The following KANK4 variants were observed in gnomAD, a reference collection of about 807,000 sequenced individuals.
The protein encoded by KANK4 is KN motif and ankyrin repeat domains 4, also known as KN motif and ankyrin repeat domain-containing protein 4.
A neutral mutation model predicts 80.8 loss-of-function variants in KANK4; 50 were observed. The ratio of observed to expected loss-of-function variants is 0.62; its 90% CI spans 0.49 to 0.78. KANK4 has a LOEUF of 0.78. Ranked by LOEUF, KANK4 falls within the 30% of genes least tolerant of loss-of-function variation. KANK4 has a pLI of 0.00. For missense variants in KANK4, 1,196 were observed against 1,240.1 expected (o/e 0.96, Z 0.53); for synonymous variants, 465 against 506.9 (o/e 0.92, Z 1.11).
intron 3 of KANK4, chr1:62,271,853 CCTGT>C (rs1672171484): frequency 2.7e-6 from 1 of 375,074 alleles, no homozygotes; most frequent in Non-Finnish European, 5.0e-6. Flanking sequence ...CATTGTTGTC[CCTGT>C]CTTACAGCTG....
At position 62,263,048 on chromosome 1, in the gene KANK4, C is replaced by T. The variant is rs778095120; in HGVS notation, c.2539+44G>A. On this transcript the variant is annotated intron_variant, in intron 7 of 9. Coordinates refer to ENST00000371153, the MANE Select transcript of KANK4 (RefSeq NM_181712.5). ...AAAAAATTTTAAAAATTGCCCTGCT[C>T]TTCAAGGAGGGACCCAGACTGTATG... The T allele has an allele frequency of 6.9e-5, 102 of 1,475,732 alleles. No homozygotes were observed. In the South Asian group the frequency reaches 1.1e-3, roughly 16 times the overall value. The allele number at this position is 1,475,732 out of a possible 1,614,324, so 91.4% of individuals were successfully genotyped here. A position where few individuals can be genotyped will look rare whatever the true frequency, so the allele number is the denominator to read the frequency against.
At chr1:62,311,910 G>T (rs17123443) in intron 1 of KANK4, among the ~76,000 whole-genome samples, 1,737 of 152,242 alleles carry the variant, frequency 0.011, 45 homozygotes, top group African/African-American at 0.04. Flanking sequence ...CCACTAATTA[G>T]ACAGTGACAG....
chr1:62,278,958 A>G (rs1357933524), intron 2 of KANK4, among the ~76,000 whole-genome samples: 1 of 152,150 alleles, frequency 6.6e-6, no homozygotes, highest in Non-Finnish European at 1.5e-5. Flanking sequence ...GAGCTCTCCT[A>G]AAGGAGAGGC....
At chr1:62,243,700 C>T (rs1250753644) in intron 9 of KANK4, among the ~76,000 whole-genome samples, 1 of 152,120 alleles carries the variant, frequency 6.6e-6, no homozygotes, top group African/African-American at 2.4e-5. Flanking sequence ...TATCCCTGGC[C>T]TCTACCCACT....
At chr1:62,241,237 T>C (rs1190199330) in intron 9 of KANK4, among the ~76,000 whole-genome samples, 1 of 151,924 alleles carries the variant, frequency 6.6e-6, no homozygotes, top group Non-Finnish European at 1.5e-5. Flanking sequence ...CAAATAACTA[T>C]AAAGCACGGC....
intron 1 of KANK4, among the ~76,000 whole-genome samples, chr1:62,285,479 A>G (rs949752248): frequency 6.6e-6 from 1 of 152,174 alleles, no homozygotes; most frequent in African/African-American, 2.4e-5. Context: ...ATCCAAATAT[A>G]AAGAGACCTT....
Position 62,274,308 on chromosome 1 carries a change from C to A in KANK4, c.796G>T (p.Asp266Tyr), listed in dbSNP as rs752503386. 1.9e-6 allele frequency: 3 copies of A among 1,614,198 alleles called. No individual in the cohort carries two copies. In the South Asian group the frequency reaches 3.3e-5, roughly 18 times the overall value. ...TCTGCTTCTCTGGCATTGTGTTCAT[C>A]TTCCTTGTCCTCTAGAACTACAAGC... The part of the protein sequence containing the change: ...NVLVVLEDKE[D>Y]EHNAREAEVL... Residue 266 changes from aspartate (D) to tyrosine (Y), a missense_variant, in exon 3 of 10, where the codon GAT (aspartate) becomes TAT (tyrosine). Transcript: ENST00000371153.
intron 1 of KANK4, among the ~76,000 whole-genome samples, chr1:62,292,785 G>C (rs1027908766): frequency 1.3e-5 from 2 of 152,176 alleles, no homozygotes; most frequent in Admixed American, 1.3e-4. Flanking sequence ...TGCTGGACAG[G>C]GTAGTGGCAA....
chr1:62,268,921 C>A (rs577902457), intron 4 of KANK4, among the ~76,000 whole-genome samples: 1 of 152,186 alleles, frequency 6.6e-6, no homozygotes, highest in African/African-American at 2.4e-5. Context: ...AACATCCCCA[C>A]CTCCACCCTG....
intron 1 of KANK4, among the ~76,000 whole-genome samples, chr1:62,298,933 A>AT (rs893856257): frequency 2.0e-3 from 229 of 114,142 alleles, no homozygotes; most frequent in Admixed American, 3.4e-3. Flanking sequence ...TCTATGTATT[A>AT]TTTTTTTTTT....
Position 62,253,208 on chromosome 1 carries a change from G to A in KANK4, c.2541C>T (p.Gly847=), listed in dbSNP as rs148060294. 2.9e-5 allele frequency: 46 copies of A among 1,602,526 alleles called. No homozygotes were observed. The highest frequency in any genetic ancestry group is 3.6e-5 in the Non-Finnish European group (42 of 1,176,836). The change falls in exon 8 of 10, where the codon GGC becomes GGT. Residue 847 remains glycine (G), a splice_region_variant and synonymous_variant. Coordinates refer to ENST00000371153, the MANE Select transcript of KANK4 (RefSeq NM_181712.5). ...TGTTCTGATGGTCCACATTGCAGAC[G>A]CCTGCAAGAGAAGCAATGGGTGCTG... ...FSIVKLLLET[G]VCNVDHQNKA...
In KANK4 at chr1:62,297,280, TATAATA is replaced by T. The variant is rs750146277; in HGVS notation, c.-70-15652_-70-15647del. On this transcript the variant is annotated intron_variant, in intron 1 of 9. Coordinates refer to ENST00000371153, the MANE Select transcript of KANK4 (RefSeq NM_181712.5). ...AAATACTAGTAAATACTTACACTGT[TATAATA>T]ATAATAATTATTATTGCTAGCTAGA... Among the ~76,000 whole-genome samples, 6 of 117,490 alleles carry T rather than the reference TATAATA, an allele frequency of 5.1e-5. No homozygotes were observed. In the East Asian group the frequency reaches 1.7e-3, roughly 32 times the overall value. The allele number at this position is 117,490 out of a possible 152,430, so 77.1% of individuals were successfully genotyped here.
chr1:62,311,493 G>A (rs1217875289), intron 1 of KANK4, among the ~76,000 whole-genome samples: 1 of 151,924 alleles, frequency 6.6e-6, no homozygotes, highest in Non-Finnish European at 1.5e-5. Flanking sequence ...TCACCATGGG[G>A]CCAGTCCTCC....
intron 2 of KANK4, among the ~76,000 whole-genome samples, 193 bp downstream of exon 2, chr1:62,281,356 T>C (rs1184378303): frequency 6.6e-6 from 1 of 152,224 alleles, no homozygotes; most frequent in Non-Finnish European, 1.5e-5. Flanking sequence ...AGGCTTACCA[T>C]ATTGTGCCTC....
intron 2 of KANK4, among the ~76,000 whole-genome samples, chr1:62,276,786 G>C (rs1269680467): frequency 1.0e-5 from 1 of 97,366 alleles, no homozygotes. Flanking sequence ...TCAAAAATAA[G>C]ACTATTGTGA....
intron 9 of KANK4, among the ~76,000 whole-genome samples, 164 bp downstream of exon 9, chr1:62,247,304 CTTTT>C (rs371644915): frequency 7.3e-6 from 1 of 136,410 alleles, no homozygotes; most frequent in African/African-American, 2.7e-5. Flanking sequence ...TAAACAGCTA[CTTTT>C]TTTTTTTTTT....
intron 9 of KANK4, among the ~76,000 whole-genome samples, chr1:62,239,725 T>G (rs1671294691): frequency 6.6e-6 from 1 of 152,182 alleles, no homozygotes; most frequent in Non-Finnish European, 1.5e-5. Context: ...CCAGGTGTTC[T>G]CATTGTTCAA....
intron 6 of KANK4, among the ~76,000 whole-genome samples, chr1:62,264,672 C>T (rs1166166038): frequency 6.6e-6 from 1 of 152,196 alleles, no homozygotes; most frequent in Non-Finnish European, 1.5e-5. Flanking sequence ...CCTCTGATCA[C>T]TTTTCTAGAG....
intron 1 of KANK4, among the ~76,000 whole-genome samples, chr1:62,290,527 G>A (rs943991969): frequency 6.6e-6 from 1 of 152,194 alleles, no homozygotes; most frequent in Admixed American, 6.5e-5. Context: ...CAAAGTGCTT[G>A]TGCTGGTGCC....
Sources: gnomAD v4.1 joint callset for allele counts (sites outside exome capture counted in the v4.1 genomes callset) on GRCh38, gnomAD v4.1.1 for gene constraint, MANE v1.5 for transcripts, NCBI Gene and HGNC (gene_info 2026-07-23, HGNC 2026-07-21) for gene names.